The following SNX29 variants were observed in gnomAD, a reference collection of about 807,000 sequenced individuals.
SNX29 encodes the protein sorting nexin-29.
In SNX29, 78 loss-of-function variants were observed where a neutral mutation model predicts 102.1. That is an observed-to-expected ratio of 0.76 (90% CI 0.64 to 0.92). The LOEUF (loss-of-function observed/expected upper bound fraction) is 0.92. Ranked by LOEUF, SNX29 falls within the 40% of genes least tolerant of loss-of-function variation. The probability of loss-of-function intolerance (pLI) is 0.00; values close to 1 mark genes in which losing one functional copy is unlikely to be tolerated. For synonymous variants in SNX29, 580 were observed against 414.5 expected (o/e 1.40, Z -4.85); for missense variants, 1,280 against 1,061.7 (o/e 1.21, Z -2.86).
intron 4 of SNX29, among the ~76,000 whole-genome samples, chr16:12,037,398 G>T (rs1285569899): frequency 1.3e-5 from 2 of 152,126 alleles, no homozygotes; most frequent in East Asian, 3.9e-4. Flanking sequence ...GTGGTCCAGG[G>T]CTGAGACTGG....
Position 12,207,936 on chromosome 16 carries a change from C to A in SNX29, c.1678+8253C>A, listed in dbSNP as rs934275683. Among the ~76,000 whole-genome samples, 16 of 152,052 alleles carry A rather than the reference C, an allele frequency of 1.1e-4. 1 individual carries two copies. The highest frequency in any genetic ancestry group is 6.6e-4 in the Admixed American group (10 of 15,262). The stretch of plus-strand genomic sequence containing the variant: ...GGACTTAGAAACATGCAGGTTTTTT[C>A]TTCTTTTATTAATCAAGTACACAAC... On this transcript the variant is annotated intron_variant, in intron 14 of 20. Transcript: ENST00000566228.
chr16:12,032,739 A>G (rs1306166608), intron 4 of SNX29, among the ~76,000 whole-genome samples: 2 of 151,948 alleles, frequency 1.3e-5, no homozygotes, highest in East Asian at 3.8e-4. Flanking sequence ...TATTTTTTAG[A>G]AACCATCAGA....
intron 11 of SNX29, among the ~76,000 whole-genome samples, chr16:12,084,689 T>C (rs1213605554): frequency 1.3e-5 from 2 of 152,060 alleles, no homozygotes; most frequent in Non-Finnish European, 2.9e-5. Context: ...CTTATCAAGA[T>C]AGAGTGACAG....
chr16:12,260,490 GA>G (rs143523207), intron 14 of SNX29, among the ~76,000 whole-genome samples: 2,825 of 152,242 alleles, frequency 0.019, 101 homozygotes, highest in African/African-American at 0.065. Flanking sequence ...TTGTTGTCTA[GA>G]AGTCTCTCCA....
At chr16:12,299,793 T>G (rs1056092775) in intron 15 of SNX29, among the ~76,000 whole-genome samples, 35 of 151,918 alleles carry the variant, frequency 2.3e-4, no homozygotes, top group African/African-American at 7.2e-4. Context: ...TTTTTTTTTT[T>G]TTTTTACTTA....
At chr16:12,547,631 T>A (rs1364634418) in intron 20 of SNX29, among the ~76,000 whole-genome samples, 1 of 152,078 alleles carries the variant, frequency 6.6e-6, no homozygotes, top group African/African-American at 2.4e-5. Flanking sequence ...AGCTGTCCCA[T>A]GGGATGGAGA....
At chr16:12,254,488 A>G (rs1288416489) in intron 14 of SNX29, among the ~76,000 whole-genome samples, 1 of 152,078 alleles carries the variant, frequency 6.6e-6, no homozygotes, top group African/African-American at 2.4e-5. Flanking sequence ...GAAAATACGA[A>G]AAATGAGTCA....
intron 13 of SNX29, among the ~76,000 whole-genome samples, chr16:12,196,195 C>T (rs1240725210): frequency 6.6e-6 from 1 of 151,938 alleles, no homozygotes; most frequent in African/African-American, 2.4e-5. Context: ...AGGCTGTTGT[C>T]CTGGGCTCAA....
At chr16:12,491,001 A>G (rs2088518079) in intron 19 of SNX29, among the ~76,000 whole-genome samples, 1 of 152,262 alleles carries the variant, frequency 6.6e-6, no homozygotes, top group African/African-American at 2.4e-5. Flanking sequence ...ACAGCTTCAC[A>G]TCAATGATAC....
At chr16:12,105,077 G>A (rs565406962) in intron 11 of SNX29, among the ~76,000 whole-genome samples, 6 of 152,362 alleles carry the variant, frequency 3.9e-5, no homozygotes, top group Middle Eastern at 3.4e-3. Context: ...TTCCAGGGAA[G>A]TCAGCCTCAG....
At chr16:12,564,566 A>G (rs2078911276) in intron 20 of SNX29, among the ~76,000 whole-genome samples, 1 of 152,146 alleles carries the variant, frequency 6.6e-6, no homozygotes, top group Non-Finnish European at 1.5e-5. Context: ...ATTCTTATGG[A>G]TTGCCATCCA....
intron 18 of SNX29, among the ~76,000 whole-genome samples, chr16:12,445,461 G>A (rs1015122418): frequency 6.6e-6 from 1 of 152,214 alleles, no homozygotes; most frequent in Non-Finnish European, 1.5e-5. Flanking sequence ...CTCCCTGAGG[G>A]TAGGGCTCTC....
chr16:12,163,260 C>G (rs761038038), intron 13 of SNX29, among the ~76,000 whole-genome samples: 1 of 152,096 alleles, frequency 6.6e-6, no homozygotes, highest in Non-Finnish European at 1.5e-5. Context: ...CTGAGAAAGG[C>G]GGGACTGGCC....
chr16:12,412,719 T>G (rs996188699), intron 18 of SNX29, among the ~76,000 whole-genome samples: 1 of 152,242 alleles, frequency 6.6e-6, no homozygotes, highest in Non-Finnish European at 1.5e-5. Context: ...TTATAATTTT[T>G]TACTTGGAAA....
At chr16:12,029,499 G>A (rs2057281845) in intron 4 of SNX29, 1 of 453,330 alleles carries the variant, frequency 2.2e-6, no homozygotes, top group African/African-American at 2.0e-5. Flanking sequence ...ACAGTATGGA[G>A]AAATGAATTA....
intron 14 of SNX29, among the ~76,000 whole-genome samples, chr16:12,265,549 T>C (rs1029345681): frequency 6.6e-6 from 1 of 151,974 alleles, no homozygotes; most frequent in African/African-American, 2.4e-5. Flanking sequence ...CTCTCACTCT[T>C]GTATTTGGCT....
intron 19 of SNX29, among the ~76,000 whole-genome samples, chr16:12,503,881 T>A (rs1037535293): frequency 2.0e-5 from 3 of 152,166 alleles, no homozygotes; most frequent in South Asian, 2.1e-4. Flanking sequence ...ATTCTTTTTT[T>A]AAAAAAAGTT....
At chr16:12,552,963 G>A (rs1453378901) in intron 20 of SNX29, among the ~76,000 whole-genome samples, 1 of 152,242 alleles carries the variant, frequency 6.6e-6, no homozygotes, top group Non-Finnish European at 1.5e-5. Flanking sequence ...AACATGGATT[G>A]TATTGAGTGC....
In SNX29 at chr16:12,362,387, C is replaced by T. The variant is rs543472373; in HGVS notation, c.1899+6108C>T. Among the ~76,000 whole-genome samples, 3 of 152,288 alleles carry T rather than the reference C, an allele frequency of 2.0e-5. No individual in the cohort carries two copies. In the East Asian group the frequency reaches 5.8e-4, roughly 29 times the overall value. On this transcript the variant is annotated intron_variant, in intron 16 of 20. Transcript: ENST00000566228. ...CTTGGGGCTTTGGAAAGGGTGACCA[C>T]CTCCTCCCAGCCTCCTCCACCTGCT...
Sources: gnomAD v4.1 joint callset for allele counts (sites outside exome capture counted in the v4.1 genomes callset) on GRCh38, gnomAD v4.1.1 for gene constraint, MANE v1.5 for transcripts, NCBI Gene and HGNC (gene_info 2026-07-23, HGNC 2026-07-21) for gene names.